The following LY96 variants were observed in gnomAD, a reference collection of about 807,000 sequenced individuals.
The protein encoded by LY96 is myeloid differentiation protein-2.
Under a neutral mutation model 18.9 loss-of-function variants are expected in LY96, and 18 were observed. The ratio of observed to expected loss-of-function variants is 0.95; its 90% CI spans 0.66 to 1.41. LY96 has a LOEUF of 1.41. LY96 is among the 40% of genes most tolerant of loss of function. LY96 has a pLI of 0.00. For synonymous variants in LY96, 66 were observed against 62.6 expected, an observed-to-expected ratio of 1.06 and a Z score of -0.26; for missense variants, 175 against 182.4, an observed-to-expected ratio of 0.96 and a Z score of 0.23.
chr8:74,093,291 G>A, the LY96 span, among the ~76,000 whole-genome samples: 3 of 152,168 alleles, frequency 2.0e-5, no homozygotes, highest in African/African-American at 7.2e-5. Flanking sequence ...TTGTGACATT[G>A]TTTTCTACAT....
intron 3 of LY96, among the ~76,000 whole-genome samples, chr8:74,026,426 C>G (rs979363354): frequency 1.3e-5 from 2 of 152,240 alleles, no homozygotes; most frequent in Non-Finnish European, 2.9e-5. Flanking sequence ...AGATTGTTCT[C>G]TATTATACCC....
chr8:74,059,242 G>A, the LY96 span, among the ~76,000 whole-genome samples: 3 of 152,328 alleles, frequency 2.0e-5, no homozygotes, highest in Non-Finnish European at 4.4e-5. Flanking sequence ...AACAGCTGAA[G>A]AAATGAAGAA....
At chr8:74,054,752 C>T in the LY96 span, among the ~76,000 whole-genome samples, 14 of 150,948 alleles carry the variant, frequency 9.3e-5, no homozygotes, top group East Asian at 1.6e-3. Context: ...CAGCCTCAAC[C>T]TCCTGGGCTC....
the LY96 span, among the ~76,000 whole-genome samples, chr8:74,046,185 A>C: frequency 3.9e-5 from 6 of 152,172 alleles, no homozygotes; most frequent in African/African-American, 1.4e-4. Context: ...AGGCTGAGGC[A>C]CAAGAATCAC....
At chr8:74,090,977 G>C in the LY96 span, among the ~76,000 whole-genome samples, 1 of 152,188 alleles carries the variant, frequency 6.6e-6, no homozygotes, top group Non-Finnish European at 1.5e-5. Context: ...CATTCTCCAT[G>C]TGATTCTGGT....
At chr8:74,094,884 G>A in the LY96 span, among the ~76,000 whole-genome samples, 1 of 152,206 alleles carries the variant, frequency 6.6e-6, no homozygotes, top group African/African-American at 2.4e-5. Context: ...TTCACATATG[G>A]CTTTGTGTGA....
the LY96 span, among the ~76,000 whole-genome samples, chr8:74,081,857 C>T: frequency 2.0e-5 from 3 of 152,036 alleles, no homozygotes; most frequent in African/African-American, 4.8e-5. Flanking sequence ...TTTCACCATG[C>T]TGGCCAGGCT....
intron 3 of LY96, among the ~76,000 whole-genome samples, chr8:74,014,611 T>C (rs961536322): frequency 7.2e-5 from 11 of 151,866 alleles, no homozygotes; most frequent in Middle Eastern, 3.4e-3. Context: ...GCCCAGAACT[T>C]AGGACTTTCT....
chr8:74,049,652 T>C, the LY96 span, among the ~76,000 whole-genome samples: 1 of 152,178 alleles, frequency 6.6e-6, no homozygotes, highest in Admixed American at 6.5e-5. Flanking sequence ...AATAGATACT[T>C]GAATTAGGGC....
At chr8:74,073,508 A>G in the LY96 span, among the ~76,000 whole-genome samples, 1 of 152,134 alleles carries the variant, frequency 6.6e-6, no homozygotes, top group African/African-American at 2.4e-5. Context: ...TGGAGATGGG[A>G]CTGCATTTTT....
In LY96 at chr8:73,991,541, A is replaced by G. The variant is rs1167667646; in HGVS notation, c.99A>G (p.Ser33=). The part of the protein sequence containing the change: ...WVCNSSDASI[S]YTYCDKMQYP... ...GCAACTCATCCGATGCAAGTATTTC[A>G]TACACCTACTGTGGTAAGTAAAACC... is the stretch of plus-strand genomic sequence containing the variant. Residue 33 remains serine, a synonymous_variant, in exon 1 of 5, where the codon TCA becomes TCG. Coordinates refer to ENST00000284818, the MANE Select transcript of LY96 (RefSeq NM_015364.5). 1 of 1,595,932 alleles carries G rather than the reference A, an allele frequency of 6.3e-7. No individual in the cohort carries two copies. The highest frequency in any genetic ancestry group is 8.6e-7 in the Non-Finnish European group (1 of 1,163,622).
chr8:74,070,607 T>C, the LY96 span, among the ~76,000 whole-genome samples: 1 of 152,318 alleles, frequency 6.6e-6, no homozygotes, highest in South Asian at 2.1e-4. Context: ...GACTCCTGTG[T>C]CCCTTTGTTA....
chr8:74,037,505 G>T, the LY96 span, among the ~76,000 whole-genome samples: 1 of 152,058 alleles, frequency 6.6e-6, no homozygotes, highest in African/African-American at 2.4e-5. Context: ...CGCAGCACCT[G>T]CCTGTAGTCC....
the LY96 span, among the ~76,000 whole-genome samples, chr8:74,089,055 T>C: frequency 6.6e-6 from 1 of 152,150 alleles, no homozygotes; most frequent in Non-Finnish European, 1.5e-5. Context: ...AAAGAACTGC[T>C]GGGAACAATC....
chr8:74,041,987 A>G, the LY96 span, among the ~76,000 whole-genome samples: 1 of 152,170 alleles, frequency 6.6e-6, no homozygotes, highest in Admixed American at 6.5e-5. Context: ...TCAGGTGGGC[A>G]TCATGGTCCT....
At chr8:74,022,909 C>T (rs565510311) in intron 3 of LY96, among the ~76,000 whole-genome samples, 2 of 152,216 alleles carry the variant, frequency 1.3e-5, no homozygotes, top group South Asian at 2.1e-4. Context: ...TTTCTCATAT[C>T]CTCAAGTCTC....
chr8:74,060,000 G>A, the LY96 span, among the ~76,000 whole-genome samples: 14,580 of 152,080 alleles, frequency 0.096, 1,143 homozygotes, highest in African/African-American at 0.21. Context: ...TTAGCTGTGC[G>A]TGGTGGTGTG....
At chr8:74,023,649 T>C (rs945453443) in intron 3 of LY96, among the ~76,000 whole-genome samples, 3 of 152,080 alleles carry the variant, frequency 2.0e-5, no homozygotes, top group African/African-American at 7.2e-5. Context: ...CTGTTCCATG[T>C]CTTGGGGACC....
At chr8:74,051,013 A>T in the LY96 span, among the ~76,000 whole-genome samples, 3 of 152,036 alleles carry the variant, frequency 2.0e-5, no homozygotes, top group African/African-American at 7.3e-5. Context: ...ACAGAGTGAG[A>T]CTCTGTCTCA....
Sources: allele counts gnomAD v4.1 joint callset (sites outside exome capture counted in the v4.1 genomes callset), GRCh38; gene constraint gnomAD v4.1.1; transcripts MANE v1.5; gene names NCBI Gene and HGNC (gene_info 2026-07-23, HGNC 2026-07-21).